Variants in CD163L1 observed in about 807,000 individuals in gnomAD.
The protein encoded by CD163L1 is CD163 molecule like 1, also known as scavenger receptor cysteine-rich type 1 protein M160.
In CD163L1, 124 loss-of-function variants were observed where a neutral mutation model predicts 165.4. That is an observed-to-expected ratio of 0.75 (90% confidence interval 0.65 to 0.87). CD163L1 has a LOEUF of 0.87. CD163L1 is among the 40% of genes least tolerant of loss of function. The pLI is 0.00. For synonymous variants in CD163L1, 585 were observed against 662.2 expected (o/e 0.88, Z 1.79); for missense variants, 1,525 against 1,799.9 (o/e 0.85, Z 2.76).
At chr12:7,421,496 TATGTACATATACATATAC>T (rs1565810237) in intron 4 of CD163L1, among the ~76,000 whole-genome samples, 2 of 89,386 alleles carry the variant, frequency 2.2e-5, no homozygotes, top group African/African-American at 1.1e-4. Flanking sequence ...TATATACATA[TATGTACATATACATATAC>T]ATATATGTAC....
the CD163L1 span, among the ~76,000 whole-genome samples, chr12:7,337,845 C>T: frequency 6.6e-6 from 1 of 152,170 alleles, no homozygotes; most frequent in African/African-American, 2.4e-5. Context: ...ATAAATCATT[C>T]TACTATAAAG....
intron 6 of CD163L1, among the ~76,000 whole-genome samples, chr12:7,402,076 C>CT (rs1947925173): frequency 6.6e-6 from 1 of 151,778 alleles, no homozygotes; most frequent in East Asian, 1.9e-4. Context: ...ATATATTATA[C>CT]TAACCTGACA....
At position 7,367,239 on chromosome 12, in the gene CD163L1, A is replaced by G. The variant is rs764354712; in HGVS notation, c.4276T>C (p.Ser1426Pro). The G allele has an allele frequency of 3.7e-6, 6 of 1,609,180 alleles. No individual in the cohort carries two copies. The highest frequency in any genetic ancestry group is 1.1e-5 in the South Asian group (1 of 90,770). ...CGGCCCCTGGAGTTGCACAGACCTG[A>G]GGTTCTTGTCCCATGTGGGTCCTCT... Reference protein sequence around the residue: ...KREDPHGTRTSDDTPNHGCED... With the variant: ...KREDPHGTRTPDDTPNHGCED... Residue 1426 changes from serine (S) to proline (P), a missense_variant, in exon 18 of 20, where the codon TCA (serine) becomes CCA (proline). Physicochemically the swap from Ser to Pro is moderately conservative, Grantham distance 74 (BLOSUM62 -1). Coordinates refer to ENST00000313599, the MANE Select transcript of CD163L1 (RefSeq NM_174941.6).
At chr12:7,381,231 C>T (rs1363783241) in intron 8 of CD163L1, among the ~76,000 whole-genome samples, 2 of 152,020 alleles carry the variant, frequency 1.3e-5, no homozygotes, top group African/African-American at 4.8e-5. Flanking sequence ...CTGACTTTGA[C>T]CAGATCAAAC....
At chr12:7,320,689 C>A in the CD163L1 span, 1 of 1,563,138 alleles carries the variant, frequency 6.4e-7, no homozygotes, top group African/African-American at 1.4e-5. Flanking sequence ...CTTTGAATGA[C>A]CACTTCTGAC....
intron 5 of CD163L1, among the ~76,000 whole-genome samples, chr12:7,404,401 C>G (rs1565798757): frequency 1.3e-5 from 2 of 151,880 alleles, no homozygotes; most frequent in South Asian, 4.1e-4. Context: ...AGAAGCAAGC[C>G]TTTGCTTATT....
At chr12:7,334,069 G>A in the CD163L1 span, among the ~76,000 whole-genome samples, 1 of 147,364 alleles carries the variant, frequency 6.8e-6, no homozygotes, top group East Asian at 2.0e-4. Context: ...GTACAAGGAG[G>A]AGCTGGTACC....
the CD163L1 span, chr12:7,323,369 T>A: frequency 6.3e-7 from 1 of 1,595,680 alleles, no homozygotes; most frequent in Non-Finnish European, 8.6e-7. Flanking sequence ...CGTTTTCCTT[T>A]TCTGCTATTC....
Position 7,421,499 on chromosome 12 carries a change from GTACATATACATA to G in CD163L1, c.766+10905_766+10916del, listed in dbSNP as rs1222362392. 4.0e-4 allele frequency among the ~76,000 whole-genome samples: 35 copies of G among 88,528 alleles called. 3 individuals are homozygous for G. The highest frequency in any genetic ancestry group is 2.3e-3 in the African/African-American group (33 of 14,324). 58.1% of individuals were successfully genotyped at this position (88,528 alleles called of 152,430 possible). On this transcript the variant is annotated intron_variant, in intron 4 of 19. Transcript: ENST00000313599. ...CATATATGTACATATATACATATAT[GTACATATACATA>G]TACATATATGTACATATATACATAT...
chr12:7,363,763 A>T (rs1946954439), intron 18 of CD163L1, among the ~76,000 whole-genome samples: 1 of 146,234 alleles, frequency 6.8e-6, no homozygotes, highest in East Asian at 2.0e-4. Flanking sequence ...ATAACAAGTC[A>T]TGAGATCAAA....
At chr12:7,330,968 G>A in the CD163L1 span, among the ~76,000 whole-genome samples, 4 of 152,202 alleles carry the variant, frequency 2.6e-5, no homozygotes, top group African/African-American at 4.8e-5. Flanking sequence ...CACCGTGCAC[G>A]AGCTGAAGCA....
At chr12:7,327,069 A>T in the CD163L1 span, 1 of 1,609,328 alleles carries the variant, frequency 6.2e-7, no homozygotes, top group African/African-American at 1.3e-5. Context: ...GAAAAAATCA[A>T]CTGCACCTTA....
chr12:7,385,142 G>A (rs1300378376), intron 8 of CD163L1, among the ~76,000 whole-genome samples: 1 of 151,594 alleles, frequency 6.6e-6, no homozygotes, highest in Non-Finnish European at 1.5e-5. Flanking sequence ...TAGACTGAAA[G>A]TGAAGGGATG....
the CD163L1 span, chr12:7,322,281 A>G: frequency 1.6e-6 from 2 of 1,229,384 alleles, no homozygotes; most frequent in South Asian, 1.3e-5. Flanking sequence ...CAGGTGTTCA[A>G]CAAGTATTTG....
chr12:7,386,343 G>GA (rs1555197241), intron 8 of CD163L1, among the ~76,000 whole-genome samples: 2 of 151,372 alleles, frequency 1.3e-5, no homozygotes, highest in African/African-American at 4.9e-5. Flanking sequence ...CCAGACAAAG[G>GA]AAACCCCAGG....
At chr12:7,412,699 A>G (rs1261582518) in intron 4 of CD163L1, among the ~76,000 whole-genome samples, 2 of 152,176 alleles carry the variant, frequency 1.3e-5, no homozygotes, top group African/African-American at 2.4e-5. Context: ...CCAAAAGAAC[A>G]TAAGCCAGAT....
At chr12:7,376,283 A>T (rs1947271597) in intron 9 of CD163L1, among the ~76,000 whole-genome samples, 1 of 152,250 alleles carries the variant, frequency 6.6e-6, no homozygotes, top group Non-Finnish European at 1.5e-5. Context: ...ACATTAAAAA[A>T]ATACTAAGTA....
At chr12:7,363,387 C>G (rs1946946549) in intron 18 of CD163L1, among the ~76,000 whole-genome samples, 2 of 151,496 alleles carry the variant, frequency 1.3e-5, no homozygotes, top group Admixed American at 1.3e-4. Flanking sequence ...AAAGAAAGAA[C>G]AAACCAAACC....
At chr12:7,437,258 G>GTATTTAAATACTATTTAAATAC (rs1948746698) in intron 2 of CD163L1, among the ~76,000 whole-genome samples, 1 of 121,700 alleles carries the variant, frequency 8.2e-6, no homozygotes, top group Non-Finnish European at 1.7e-5. Flanking sequence ...TATTTAAATA[G>GTATTTAAATACTATTTAAATAC]TATTTAAAAG....
Sources: gnomAD v4.1 joint callset for allele counts (sites outside exome capture counted in the v4.1 genomes callset) on GRCh38, gnomAD v4.1.1 for gene constraint, MANE v1.5 for transcripts, NCBI Gene and HGNC (gene_info 2026-07-23, HGNC 2026-07-21) for gene names.